HHAT: variants seen among roughly 807,000 people sequenced by gnomAD.
HHAT encodes the protein hedgehog acyltransferase.
A neutral mutation model predicts 70.8 loss-of-function variants in HHAT; 47 were observed. The ratio of observed to expected loss-of-function variants is 0.66; its 90% CI spans 0.53 to 0.85. The LOEUF is 0.85. Among genes scored for constraint, HHAT ranks in the 40% least tolerant of loss-of-function variants. HHAT has a pLI of 0.00. For synonymous variants in HHAT, 228 were observed against 247.6 expected (o/e 0.92, Z 0.74); for missense variants, 609 against 604.8 (o/e 1.01, Z -0.07).
intron 11 of HHAT, among the ~76,000 whole-genome samples, chr1:210,644,232 A>G (rs1419383004): frequency 1.3e-5 from 2 of 152,216 alleles, no homozygotes; most frequent in African/African-American, 4.8e-5. Flanking sequence ...AGAGTTCAGC[A>G]TTTCTCAAAG....
At chr1:210,635,610 G>T (rs1671729051) in intron 11 of HHAT, among the ~76,000 whole-genome samples, 1 of 152,140 alleles carries the variant, frequency 6.6e-6, no homozygotes, top group Non-Finnish European at 1.5e-5. Context: ...GTTCTCCCAG[G>T]GAGAATTTTA....
chr1:210,632,411 G>A (rs569032877), intron 11 of HHAT, among the ~76,000 whole-genome samples: 1 of 152,320 alleles, frequency 6.6e-6, no homozygotes, highest in Non-Finnish European at 1.5e-5. Context: ...AGGAGGTGAT[G>A]TCTGATTTAC....
intron 3 of HHAT, among the ~76,000 whole-genome samples, chr1:210,380,180 T>G (rs1190215871): frequency 6.6e-6 from 1 of 152,168 alleles, no homozygotes; most frequent in Admixed American, 6.5e-5. Flanking sequence ...ATGCTTAATC[T>G]ATATGTAGAC....
At chr1:210,566,678 G>T (rs549176905) in intron 9 of HHAT, among the ~76,000 whole-genome samples, 2 of 152,176 alleles carry the variant, frequency 1.3e-5, no homozygotes, top group Admixed American at 6.5e-5. Flanking sequence ...GCCGCTAGAT[G>T]GCCAGACTCC....
chr1:210,464,775 G>A (rs1378530945), intron 8 of HHAT, 120 bp downstream of exon 8: 10 of 997,714 alleles, frequency 1.0e-5, no homozygotes, highest in African/African-American at 1.6e-5. Context: ...GCTGCATTTG[G>A]CATCCATTTC....
intron 1 of HHAT, among the ~76,000 whole-genome samples, chr1:210,337,784 A>T (rs2085635046): frequency 6.6e-6 from 1 of 152,170 alleles, no homozygotes. Flanking sequence ...CAACATAGTC[A>T]CGGTTCCAGG....
At position 210,464,583 on chromosome 1, in the gene HHAT, G is replaced by A. The variant is rs34362403; in HGVS notation, c.935G>A (p.Arg312His). Residue 312 changes from arginine to histidine, a missense_variant, in exon 8 of 12, where the codon CGC becomes CAC. Transcript: ENST00000261458. ...TTTGGCGTGCCTGCTCTGCTCATGCGCCTGGATGGACTCACTCCACCCGCC... is the reference window on the plus strand; with the variant it reads ...TTTGGCGTGCCTGCTCTGCTCATGCACCTGGATGGACTCACTCCACCCGCC... ...VLFGVPALLMRLDGLTPPALP... is the reference protein window; with the variant it reads ...VLFGVPALLMHLDGLTPPALP... The A allele has an allele frequency of 7.5e-4, 1,217 of 1,614,134 alleles. 9 individuals carry two copies. In the African/African-American group the frequency reaches 0.015, roughly 20 times the overall value.
At chr1:210,329,429 C>T (rs2084791926) in intron 1 of HHAT, 2 of 1,094,406 alleles carry the variant, frequency 1.8e-6, no homozygotes, top group African/African-American at 3.3e-5. Flanking sequence ...CTCTGGTCCT[C>T]TTGGCAGTAT....
At chr1:210,637,056 G>T (rs922447955) in intron 11 of HHAT, among the ~76,000 whole-genome samples, 1 of 152,186 alleles carries the variant, frequency 6.6e-6, no homozygotes, top group African/African-American at 2.4e-5. Context: ...GTAGGGGGTT[G>T]TAGAGATTAA....
intron 6 of HHAT, among the ~76,000 whole-genome samples, chr1:210,410,819 C>T (rs2092526457): frequency 6.6e-6 from 1 of 152,140 alleles, no homozygotes; most frequent in Non-Finnish European, 1.5e-5. Context: ...AGCCACCATG[C>T]CTGGCTTATT....
At chr1:210,424,721 G>A (rs2093010456) in intron 7 of HHAT, among the ~76,000 whole-genome samples, 2 of 152,130 alleles carry the variant, frequency 1.3e-5, no homozygotes, top group Admixed American at 1.3e-4. Context: ...TGGTGTATAT[G>A]TACCACATTT....
intron 11 of HHAT, among the ~76,000 whole-genome samples, chr1:210,638,722 C>CAAAAAAAAAAAAAAAAAA (rs71146238): frequency 1.0e-5 from 1 of 95,264 alleles, no homozygotes. Context: ...CCTGTATTTA[C>CAAAAAAAAAAAAAAAAAA]AAAAAAAAAA....
chr1:210,542,938 G>A (rs1166049630), intron 9 of HHAT, among the ~76,000 whole-genome samples: 1 of 152,162 alleles, frequency 6.6e-6, no homozygotes, highest in African/African-American at 2.4e-5. Context: ...AAAAGGTTTA[G>A]GGGCTGATCT....
rs1353976728 is a variant in HHAT, at chr1:210,426,375, A to G, written c.856+8050A>G. Among the ~76,000 whole-genome samples, 3 of 152,172 alleles carry G rather than the reference A, an allele frequency of 2.0e-5. 1 individual carries two copies. Among genetic ancestry groups the G allele is most frequent in the East Asian group, 3.9e-4 (2 of 5,192 alleles). On this transcript the variant is annotated intron_variant, in intron 7 of 11. Transcript: ENST00000261458. Reference sequence around the variant, plus strand: ...TGCCCCAGCCAGAACTTCCAATACTATGTTGAATAGGAGTGGTAAGAGAGG... The same window carrying G: ...TGCCCCAGCCAGAACTTCCAATACTGTGTTGAATAGGAGTGGTAAGAGAGG...
At chr1:210,488,211 T>A (rs193215757) in intron 8 of HHAT, among the ~76,000 whole-genome samples, 30 of 152,278 alleles carry the variant, frequency 2.0e-4, no homozygotes, top group Non-Finnish European at 3.4e-4. Flanking sequence ...ACCTGGCTCT[T>A]CTTTCCCCTG....
At chr1:210,627,525 C>T (rs1180396076) in intron 11 of HHAT, among the ~76,000 whole-genome samples, 2 of 152,074 alleles carry the variant, frequency 1.3e-5, no homozygotes, top group Admixed American at 6.5e-5. Flanking sequence ...TAAAACCAGA[C>T]CCTTCCCTTT....
At chr1:210,672,173 G>A (rs1023547878) in intron 11 of HHAT, among the ~76,000 whole-genome samples, 2 of 152,198 alleles carry the variant, frequency 1.3e-5, no homozygotes, top group African/African-American at 2.4e-5. Flanking sequence ...GCTGGCAAGT[G>A]GCAGAGCCAG....
chr1:210,417,673 C>T (rs145137537), intron 6 of HHAT, among the ~76,000 whole-genome samples: 3 of 152,282 alleles, frequency 2.0e-5, no homozygotes, highest in African/African-American at 7.2e-5. Flanking sequence ...CATCATTTTC[C>T]CTTGCTCTCA....
At chr1:210,392,116 A>T (rs1260001184) in intron 4 of HHAT, among the ~76,000 whole-genome samples, 1 of 152,080 alleles carries the variant, frequency 6.6e-6, no homozygotes, top group Non-Finnish European at 1.5e-5. Context: ...TGATCCTCCC[A>T]TTTCAGCATC....
Sources: allele counts gnomAD v4.1 joint callset (sites outside exome capture counted in the v4.1 genomes callset), GRCh38; gene constraint gnomAD v4.1.1; transcripts MANE v1.5; gene names NCBI Gene and HGNC (gene_info 2026-07-23, HGNC 2026-07-21).